KCNB2: variants seen among roughly 807,000 people sequenced by gnomAD.
KCNB2 encodes the protein potassium voltage-gated channel subfamily B member 2.
A neutral mutation model predicts 61.5 loss-of-function variants in KCNB2; 15 were observed. The observed-to-expected ratio is 0.24, with a 90% CI of 0.16 to 0.38. The LOEUF is 0.38. Among genes scored for constraint, KCNB2 ranks in the 10% least tolerant of loss-of-function variants. The probability of loss-of-function intolerance (pLI) is 1.00; values close to 1 mark genes in which losing one functional copy is unlikely to be tolerated. For missense variants in KCNB2, 828 were observed against 1,125.2 expected (o/e 0.74, Z 3.78); for synonymous variants, 457 against 446.0 (o/e 1.02, Z -0.31).
At chr8:72,754,291 G>C (rs1380440789) in intron 2 of KCNB2, among the ~76,000 whole-genome samples, 2 of 152,186 alleles carry the variant, frequency 1.3e-5, no homozygotes, top group Non-Finnish European at 2.9e-5. Context: ...GGGACCTTGA[G>C]TATGGACAGA....
intron 1 of KCNB2, among the ~76,000 whole-genome samples, chr8:72,542,566 A>G (rs1806205963): frequency 1.3e-5 from 2 of 152,174 alleles, no homozygotes; most frequent in African/African-American, 2.4e-5. Flanking sequence ...ATGTATGGCA[A>G]TACTCCTGGG....
rs559404368 is a variant in KCNB2 at position 72,619,147 on chromosome 8, T to A, written c.579+50834T>A. On this transcript the variant is annotated intron_variant, in intron 2 of 2. Transcript: ENST00000523207. ...TTTTTTTCAAGATTTTCCCATTCAA[T>A]CTTGATTTCTTCAGTTTGGGATTTT... 11 of 342,486 alleles carry A rather than the reference T, an allele frequency of 3.2e-5. No individual in the cohort carries two copies. The East Asian group carries it at 4.1e-4, about 13-fold the overall frequency. 21.2% of individuals were successfully genotyped at this position (342,486 alleles called of 1,614,324 possible).
At chr8:72,575,195 C>T (rs1466871512) in intron 2 of KCNB2, among the ~76,000 whole-genome samples, 2 of 152,100 alleles carry the variant, frequency 1.3e-5, no homozygotes, top group Admixed American at 6.6e-5. Flanking sequence ...GAGATGGTCG[C>T]TCATTGTCTT....
intron 2 of KCNB2, among the ~76,000 whole-genome samples, chr8:72,849,696 AG>A (rs1810060005): frequency 1.3e-5 from 2 of 152,198 alleles, no homozygotes; most frequent in African/African-American, 4.8e-5. Flanking sequence ...TTTGGAGAAG[AG>A]CTAGCCAAAG....
intron 2 of KCNB2, among the ~76,000 whole-genome samples, chr8:72,627,959 G>GGCTTTTT (rs1204697446): frequency 6.6e-6 from 1 of 150,662 alleles, no homozygotes; most frequent in Non-Finnish European, 1.5e-5. Context: ...TTGGCTTTTT[G>GGCTTTTT]TTTTTTTTCT....
chr8:72,675,589 T>G (rs544493046), intron 2 of KCNB2, among the ~76,000 whole-genome samples: 6 of 151,982 alleles, frequency 3.9e-5, no homozygotes, highest in Non-Finnish European at 8.8e-5. Flanking sequence ...CTCAGCTCAC[T>G]GCAACCTCCG....
At chr8:72,606,935 C>G (rs549365220) in intron 2 of KCNB2, among the ~76,000 whole-genome samples, 1 of 152,250 alleles carries the variant, frequency 6.6e-6, no homozygotes, top group Non-Finnish European at 1.5e-5. Flanking sequence ...GCTTCAGCAT[C>G]TGGGAGAGCA....
intron 2 of KCNB2, among the ~76,000 whole-genome samples, chr8:72,723,225 C>T (rs1187372713): frequency 2.0e-5 from 3 of 152,152 alleles, no homozygotes; most frequent in African/African-American, 7.2e-5. Context: ...AAATTACTCA[C>T]CCTCCATGCC....
At chr8:72,779,317 T>C (rs1243572091) in intron 2 of KCNB2, among the ~76,000 whole-genome samples, 4 of 152,240 alleles carry the variant, frequency 2.6e-5, no homozygotes, top group Non-Finnish European at 5.9e-5. Context: ...TTTCACCTAG[T>C]GCTGACCATA....
chr8:72,899,767 T>C (rs1806055278), intron 2 of KCNB2, among the ~76,000 whole-genome samples: 1 of 152,122 alleles, frequency 6.6e-6, no homozygotes, highest in South Asian at 2.1e-4. Flanking sequence ...TCCTCATAGA[T>C]TGGGCGCCAC....
At chr8:72,547,776 T>C (rs949092700) in intron 1 of KCNB2, among the ~76,000 whole-genome samples, 1 of 152,206 alleles carries the variant, frequency 6.6e-6, no homozygotes, top group Non-Finnish European at 1.5e-5. Context: ...CAACAAAGGA[T>C]TTGGAATATT....
intron 2 of KCNB2, among the ~76,000 whole-genome samples, chr8:72,700,012 C>A (rs567820667): frequency 7.2e-5 from 11 of 151,892 alleles, no homozygotes; most frequent in African/African-American, 2.7e-4. Context: ...TACTATGCAG[C>A]GAGAAAAAAA....
chr8:72,732,221 G>A (rs963174402), intron 2 of KCNB2: 4 of 152,214 alleles, frequency 2.6e-5, no homozygotes, highest in African/African-American at 9.7e-5. Context: ...CTATTCAGAG[G>A]CAGCTTATTA....
intron 2 of KCNB2, chr8:72,751,370 A>C (rs77551899): frequency 6.6e-6 from 1 of 152,214 alleles, no homozygotes; most frequent in Non-Finnish European, 1.5e-5. Context: ...TTTCATTACA[A>C]TGTTATAGAT....
At chr8:72,751,158 C>G (rs956711959) in intron 2 of KCNB2, 4 of 152,124 alleles carry the variant, frequency 2.6e-5, no homozygotes, top group African/African-American at 9.7e-5. Context: ...CAGAGACAGA[C>G]AGACAAGAGT....
chr8:72,678,779 C>T (rs1052040668), intron 2 of KCNB2, among the ~76,000 whole-genome samples: 2 of 152,130 alleles, frequency 1.3e-5, no homozygotes, highest in African/African-American at 4.8e-5. Context: ...CTGAATGATC[C>T]AGGATTGGGC....
intron 2 of KCNB2, among the ~76,000 whole-genome samples, chr8:72,905,901 T>A (rs908453366): frequency 3.3e-5 from 5 of 152,030 alleles, no homozygotes; most frequent in African/African-American, 1.2e-4. Flanking sequence ...AGATCAAGGG[T>A]GCCCATGAAG....
intron 2 of KCNB2, among the ~76,000 whole-genome samples, chr8:72,783,453 T>C (rs1808797464): frequency 6.6e-6 from 1 of 152,158 alleles, no homozygotes; most frequent in Admixed American, 6.5e-5. Flanking sequence ...TGCAGGTTTC[T>C]CTTATCTCAA....
intron 2 of KCNB2, among the ~76,000 whole-genome samples, chr8:72,872,585 T>C (rs1055437496): frequency 6.6e-6 from 1 of 152,222 alleles, no homozygotes; most frequent in Admixed American, 6.5e-5. Context: ...CTCTAATTTC[T>C]GTCCTAAAAA....
Sources: gnomAD v4.1 joint callset for allele counts (sites outside exome capture counted in the v4.1 genomes callset) on GRCh38, gnomAD v4.1.1 for gene constraint, MANE v1.5 for transcripts, NCBI Gene and HGNC (gene_info 2026-07-23, HGNC 2026-07-21) for gene names.